ZNF675: variants seen among roughly 807,000 people sequenced by gnomAD.
ZNF675 encodes the protein TRAF6 inhibitory zinc finger.
Under a neutral mutation model 56.1 loss-of-function variants are expected in ZNF675, and 36 were observed. That is an observed-to-expected ratio of 0.64 (90% CI 0.49 to 0.85). The LOEUF (loss-of-function observed/expected upper bound fraction) is 0.85, where lower values mean the gene tolerates loss of function less well. ZNF675 is among the 40% of genes least tolerant of loss of function. The probability of loss-of-function intolerance (pLI) is 0.00; values close to 1 mark genes in which losing one functional copy is unlikely to be tolerated. For synonymous variants in ZNF675, 200 were observed against 218.9 expected (o/e 0.91, Z 0.76); for missense variants, 663 against 654.2 (o/e 1.01, Z -0.15).
chr19:23,674,445 C>G (rs1352015639), intron 1 of ZNF675, among the ~76,000 whole-genome samples: 4 of 151,128 alleles, frequency 2.6e-5, no homozygotes, highest in Admixed American at 6.6e-5. Context: ...GAGTTCAAGA[C>G]CAGCCTGGCC....
chr19:23,663,417 C>T (rs942638261), intron 1 of ZNF675, among the ~76,000 whole-genome samples: 4 of 152,152 alleles, frequency 2.6e-5, no homozygotes, highest in Non-Finnish European at 5.9e-5. Flanking sequence ...ATAGGTCAGG[C>T]ACAGTGGCTC....
intron 1 of ZNF675, among the ~76,000 whole-genome samples, chr19:23,684,166 G>A (rs1352703789): frequency 1.3e-5 from 2 of 151,766 alleles, no homozygotes; most frequent in African/African-American, 4.8e-5. Context: ...GGAGGCTGAG[G>A]CAGGAGAATG....
chr19:23,679,994 C>T (rs981089776), intron 1 of ZNF675, among the ~76,000 whole-genome samples: 5 of 148,262 alleles, frequency 3.4e-5, no homozygotes, highest in African/African-American at 1.3e-4. Context: ...CCGTACCCCC[C>T]CCCAAAAAAA....
chr19:23,663,223 G>T, intron 1 of ZNF675, 65 bp from the exon 2 acceptor site: 2 of 1,548,754 alleles, frequency 1.3e-6, no homozygotes, highest in Non-Finnish European at 8.7e-7. Context: ...TTTGACTCAA[G>T]GTAAAATGAG....
chr19:23,683,243 A>G lies in ZNF675; in HGVS notation c.3+3788T>C, dbSNP rs10415424. 5.6e-3 allele frequency among the ~76,000 whole-genome samples: 843 copies of G among 151,690 alleles called. 30 individuals carry two copies. Among genetic ancestry groups the G allele is most frequent in the African/African-American group, 0.02 (818 of 41,046 alleles). ...CAATTAGTCATATGAGAACACTTCT[A>G]GGAGGTACCAAATTTCATCTCATAA... On this transcript the variant is annotated intron_variant, in intron 1 of 3. Coordinates refer to ENST00000359788, the MANE Select transcript of ZNF675 (RefSeq NM_138330.3).
At position 23,654,277 on chromosome 19, in the gene ZNF675, T is replaced by G; in HGVS notation, c.656A>C (p.Lys219Thr). 6.2e-7 allele frequency: 1 copy of G among 1,612,134 alleles called. No individual in the cohort carries two copies. Among genetic ancestry groups the G allele is most frequent in the Non-Finnish European group, 8.5e-7 (1 of 1,179,550 alleles). ...GAGTTTCTCACAAGTATAAATTCTT[T>G]TATGTTTAGTAAGCTTTGAAGATTG... The part of the protein sequence containing the change: ...VNQSSKLTKH[K>T]RIYTCEKLYK... The change falls in exon 4 of 4, where the codon AAA becomes ACA. Residue 219 changes from lysine (K) to threonine (T), a missense_variant. This residue lies in a region of ZNF675 where 617 missense variants were observed against 590.5 expected (regional missense o/e 1.04). Coordinates refer to ENST00000359788, the MANE Select transcript of ZNF675 (RefSeq NM_138330.3).
chr19:23,675,933 A>G (rs1968288442), intron 1 of ZNF675, among the ~76,000 whole-genome samples: 1 of 149,942 alleles, frequency 6.7e-6, no homozygotes, highest in African/African-American at 2.5e-5. Context: ...GAAAAAACTC[A>G]GTAAGATAAA....
At chr19:23,683,857 A>G (rs1299070612) in intron 1 of ZNF675, among the ~76,000 whole-genome samples, 1 of 151,216 alleles carries the variant, frequency 6.6e-6, no homozygotes, top group Non-Finnish European at 1.5e-5. Flanking sequence ...TTTAACAAAT[A>G]GAATATATAA....
chr19:23,660,609 AAAT>A (rs1235956555), intron 3 of ZNF675, among the ~76,000 whole-genome samples: 2 of 152,324 alleles, frequency 1.3e-5, no homozygotes, highest in Non-Finnish European at 1.5e-5. Context: ...AATAGCATTA[AAAT>A]AATAAATTTC....
Position 23,653,137 on chromosome 19 carries a change from C to T in ZNF675, c.*89G>A. 5 of 1,239,252 alleles carry T rather than the reference C, an allele frequency of 4.0e-6. No homozygotes were observed. In the South Asian group the frequency reaches 7.8e-5, roughly 19 times the overall value. 76.8% of individuals were successfully genotyped at this position (1,239,252 alleles called of 1,614,324 possible). A position where few individuals can be genotyped will look rare whatever the true frequency, so the allele number is the denominator to read the frequency against. On this transcript the variant is annotated 3_prime_UTR_variant, in exon 4 of 4. Coordinates refer to ENST00000359788, the MANE Select transcript of ZNF675 (RefSeq NM_138330.3). ...ATGAAGTGTGAAAACCATTTAAAGT[C>T]TTTGACACATTCTTTACATTTCTAG...
Position 23,658,886 on chromosome 19 carries a change from T to TATATAGATCTATCTATATAGATATAGAA in ZNF675, c.226+3227_226+3228insTTCTATATCTATATAGATAGATCTATAT, listed in dbSNP as rs1555706356. Among the ~76,000 whole-genome samples, 20 of 43,694 alleles carry TATATAGATCTATCTATATAGATATAGAA rather than the reference T, an allele frequency of 4.6e-4. 1 individual carries two copies. The highest frequency in any genetic ancestry group is 1.1e-3 in the African/African-American group (18 of 16,464). 28.7% of individuals were successfully genotyped at this position (43,694 alleles called of 152,430 possible). On this transcript the variant is annotated intron_variant, in intron 3 of 3. Coordinates refer to ENST00000359788, the MANE Select transcript of ZNF675 (RefSeq NM_138330.3). ...AAATAGATCTATAGATATCTATAGA[T>TATATAGATCTATCTATATAGATATAGAA]ATAGATCTATAGATATCTATAGATA...
At chr19:23,680,634 A>T (rs905914154) in intron 1 of ZNF675, among the ~76,000 whole-genome samples, 3 of 151,246 alleles carry the variant, frequency 2.0e-5, no homozygotes, top group African/African-American at 7.4e-5. Context: ...GGCGCCTGTA[A>T]CCCTAGCTAC....
chr19:23,667,071 TG>T (rs1968161425), intron 1 of ZNF675, among the ~76,000 whole-genome samples: 1 of 152,154 alleles, frequency 6.6e-6, no homozygotes, highest in Non-Finnish European at 1.5e-5. Context: ...TTGTTCCTTC[TG>T]ATGTTCAGAT....
chr19:23,669,148 T>C (rs1968195941), intron 1 of ZNF675, among the ~76,000 whole-genome samples: 1 of 152,176 alleles, frequency 6.6e-6, no homozygotes, highest in Non-Finnish European at 1.5e-5. Context: ...TAGTAGATGT[T>C]GGTAATTGAG....
At chr19:23,666,965 C>A (rs1405515831) in intron 1 of ZNF675, among the ~76,000 whole-genome samples, 2 of 152,082 alleles carry the variant, frequency 1.3e-5, no homozygotes, top group Non-Finnish European at 2.9e-5. Context: ...GAGACTGTGT[C>A]CGGAATTGGT....
chr19:23,681,632 G>C (rs1968377764), intron 1 of ZNF675, among the ~76,000 whole-genome samples: 1 of 151,712 alleles, frequency 6.6e-6, no homozygotes, highest in African/African-American at 2.4e-5. Flanking sequence ...ACACCACCCA[G>C]AGTCAGCATA....
At chr19:23,678,736 C>T (rs1599423507) in intron 1 of ZNF675, among the ~76,000 whole-genome samples, 1 of 151,386 alleles carries the variant, frequency 6.6e-6, no homozygotes, top group African/African-American at 2.5e-5. Context: ...CAGACTCAGA[C>T]AAATGCAACA....
chr19:23,678,979 A>G (rs895612445), intron 1 of ZNF675, among the ~76,000 whole-genome samples: 10 of 151,406 alleles, frequency 6.6e-5, no homozygotes, highest in African/African-American at 2.4e-5. Context: ...ATCCTGGCTA[A>G]CACGGTGAAA....
chr19:23,663,774 C>A (rs2144930321), intron 1 of ZNF675, among the ~76,000 whole-genome samples: 1 of 152,274 alleles, frequency 6.6e-6, no homozygotes, highest in East Asian at 1.9e-4. Context: ...GAGTGCTTCA[C>A]AAGCTTCTGT....
Sources: gnomAD v4.1 joint callset for allele counts (sites outside exome capture counted in the v4.1 genomes callset) on GRCh38, gnomAD v4.1.1 for gene constraint, gnomAD v4.1.1 regional missense constraint, MANE v1.5 for transcripts, NCBI Gene and HGNC (gene_info 2026-07-23, HGNC 2026-07-21) for gene names.